DPYD: variants seen among roughly 807,000 people sequenced by gnomAD.
DPYD encodes the protein dihydropyrimidine dehydrogenase, also known as dihydropyrimidine dehydrogenase [NADP(+)].
In DPYD, 109 loss-of-function variants were observed where a neutral mutation model predicts 116.2. The observed-to-expected ratio is 0.94, with a 90% CI of 0.80 to 1.10. The LOEUF (loss-of-function observed/expected upper bound fraction) is 1.10, where lower values mean the gene tolerates loss of function less well. DPYD is among the 50% of genes least tolerant of loss of function. DPYD has a pLI of 0.00. For synonymous variants in DPYD, 440 were observed against 432.0 expected (o/e 1.02, Z -0.23); for missense variants, 1,302 against 1,254.5 (o/e 1.04, Z -0.57).
chr1:97,425,021 C>T (rs913866976), intron 14 of DPYD, among the ~76,000 whole-genome samples: 1 of 151,964 alleles, frequency 6.6e-6, no homozygotes, highest in African/African-American at 2.4e-5. Flanking sequence ...ATAAATTTCA[C>T]AGACTCTGCC....
At chr1:97,545,890 T>C in intron 12 of DPYD, 1 of 1,067,080 alleles carries the variant, frequency 9.4e-7, no homozygotes, top group Non-Finnish European at 1.5e-6. Context: ...TCATAAGAAG[T>C]ATAAAATTTA....
At chr1:97,595,269 C>G (rs1654799379) in intron 8 of DPYD, 103 bp from the exon 9 acceptor site, 8 of 851,108 alleles carry the variant, frequency 9.4e-6, no homozygotes, top group South Asian at 7.5e-5. Context: ...TAATGTCATT[C>G]TTAGAGGAAA....
intron 13 of DPYD, among the ~76,000 whole-genome samples, chr1:97,490,924 T>A (rs4364915): frequency 0.62 from 93,353 of 150,536 alleles, 29,111 homozygotes; most frequent in East Asian, 0.76. Flanking sequence ...TGCAGTAAGC[T>A]ACTGATTTGC....
In DPYD at chr1:97,152,439, T is replaced by TACACAC. The variant is rs71590217; in HGVS notation, c.2622+40624_2622+40629dup. Among the ~76,000 whole-genome samples the TACACAC allele has an allele frequency of 9.8e-3, 1,423 of 145,318 alleles. 14 individuals are homozygous for TACACAC. The highest frequency in any genetic ancestry group is 0.021 in the African/African-American group (826 of 39,388). ...TTTGTTAGGTGATGGCTGAATCACA[T>TACACAC]ACACACACACACACACACACACACA... On this transcript the variant is annotated intron_variant, in intron 20 of 22. Transcript: ENST00000370192.
chr1:97,290,466 T>C (rs1465210843), intron 18 of DPYD, among the ~76,000 whole-genome samples: 2 of 152,058 alleles, frequency 1.3e-5, no homozygotes, highest in South Asian at 4.1e-4. Context: ...CAAAACAGCA[T>C]GGTACTGGTA....
chr1:97,270,152 G>C (rs1393389735), intron 18 of DPYD, among the ~76,000 whole-genome samples: 1 of 152,150 alleles, frequency 6.6e-6, no homozygotes, highest in Non-Finnish European at 1.5e-5. Context: ...AAGGAAGAGA[G>C]GAGGCAAGAA....
At chr1:97,770,811 CTTA>C (rs1450297349) in intron 3 of DPYD, among the ~76,000 whole-genome samples, 1 of 152,018 alleles carries the variant, frequency 6.6e-6, no homozygotes, top group Non-Finnish European at 1.5e-5. Context: ...CTTAATATAT[CTTA>C]TTATAATCTT....
chr1:97,598,349 C>T (rs1470980294), intron 8 of DPYD, among the ~76,000 whole-genome samples: 1 of 152,042 alleles, frequency 6.6e-6, no homozygotes, highest in Non-Finnish European at 1.5e-5. Flanking sequence ...CAAAATGACA[C>T]TGAAATGACT....
At chr1:97,824,395 T>C (rs1272913637) in intron 3 of DPYD, among the ~76,000 whole-genome samples, 1 of 152,178 alleles carries the variant, frequency 6.6e-6, no homozygotes, top group Non-Finnish European at 1.5e-5. Context: ...AGTGTCATAT[T>C]AGCAACACAA....
chr1:97,365,893 C>T (rs539835035), intron 16 of DPYD, among the ~76,000 whole-genome samples: 1 of 152,284 alleles, frequency 6.6e-6, no homozygotes, highest in South Asian at 2.1e-4. Flanking sequence ...CTCAGCCTCC[C>T]AAAGTGCTGG....
rs182995196 is a variant in DPYD, at chr1:97,722,673, C to T, written c.322-1002G>A. On this transcript the variant is annotated intron_variant, in intron 4 of 22. Transcript: ENST00000370192. ...TCTTTGAAAGCACAGACGTTGCTTC[C>T]ATGAAAAGCCTCAGACATAAGTACA... is the stretch of plus-strand genomic sequence containing the variant. Among the ~76,000 whole-genome samples, 356 of 151,506 alleles carry T rather than the reference C, an allele frequency of 2.3e-3. 6 individuals are homozygous for T. Among genetic ancestry groups the T allele is most frequent in the African/African-American group, 8.2e-3 (340 of 41,442 alleles).
chr1:97,344,511 T>C (rs1463784751), intron 16 of DPYD, among the ~76,000 whole-genome samples: 1 of 151,816 alleles, frequency 6.6e-6, no homozygotes, highest in Non-Finnish European at 1.5e-5. Flanking sequence ...TTTATATATG[T>C]ACATCTTTAT....
At chr1:97,675,654 T>C (rs1660103705) in intron 8 of DPYD, among the ~76,000 whole-genome samples, 2 of 152,206 alleles carry the variant, frequency 1.3e-5, no homozygotes, top group Non-Finnish European at 2.9e-5. Flanking sequence ...TAAAAATATT[T>C]TTTATTTTAC....
At chr1:97,470,453 T>C (rs1184065909) in intron 13 of DPYD, among the ~76,000 whole-genome samples, 2 of 152,014 alleles carry the variant, frequency 1.3e-5, no homozygotes, top group Admixed American at 1.3e-4. Flanking sequence ...ATGATTATTA[T>C]GATTTCGTGG....
chr1:97,682,324 G>C (rs149530495), intron 7 of DPYD, among the ~76,000 whole-genome samples: 3 of 151,940 alleles, frequency 2.0e-5, no homozygotes, highest in African/African-American at 7.2e-5. Context: ...GGGAAAGATG[G>C]AGGATGGTCA....
chr1:97,902,676 G>A lies in DPYD; in HGVS notation c.39+18208C>T, dbSNP rs186480807. Among the ~76,000 whole-genome samples the A allele has an allele frequency of 2.0e-5, 3 of 151,774 alleles. No homozygotes were observed. The East Asian group carries it at 5.8e-4, about 30-fold the overall frequency. On this transcript the variant is annotated intron_variant, in intron 1 of 22. Transcript: ENST00000370192. The stretch of plus-strand genomic sequence containing the variant: ...AAGACTGAAAATAAATTAAAAGCAG[G>A]GGTATGTTGCTATATAATAAGAGGT...
intron 14 of DPYD, among the ~76,000 whole-genome samples, chr1:97,425,234 T>C (rs1674797797): frequency 6.6e-6 from 1 of 152,002 alleles, no homozygotes; most frequent in Admixed American, 6.6e-5. Flanking sequence ...GAAAAACAAA[T>C]AAAAAATATC....
chr1:97,707,703 C>T (rs925803432), intron 5 of DPYD, among the ~76,000 whole-genome samples: 6 of 151,908 alleles, frequency 3.9e-5, no homozygotes, highest in Admixed American at 3.9e-4. Context: ...ACTAAGCATT[C>T]TAATAGTATA....
chr1:97,722,516 G>A (rs979369866), intron 4 of DPYD, among the ~76,000 whole-genome samples: 2 of 151,480 alleles, frequency 1.3e-5, no homozygotes, highest in Admixed American at 6.6e-5. Flanking sequence ...CTGTACTACT[G>A]TCACAATTTT....
Sources: allele counts gnomAD v4.1 joint callset (sites outside exome capture counted in the v4.1 genomes callset), GRCh38; gene constraint gnomAD v4.1.1; transcripts MANE v1.5; gene names NCBI Gene and HGNC (gene_info 2026-07-23, HGNC 2026-07-21).